CHRM2: variants seen among roughly 807,000 people sequenced by gnomAD.
The protein encoded by CHRM2 is muscarinic acetylcholine receptor M2.
Under a neutral mutation model 25.0 loss-of-function variants are expected in CHRM2, and 8 were observed. The observed-to-expected ratio is 0.32, with a 90% confidence interval of 0.19 to 0.58. The LOEUF (loss-of-function observed/expected upper bound fraction) is 0.58, where lower values mean the gene tolerates loss of function less well. Among genes scored for constraint, CHRM2 ranks in the 20% least tolerant of loss-of-function variants. CHRM2 has a pLI of 0.88. For synonymous variants in CHRM2, 202 were observed against 205.7 expected (o/e 0.98, Z 0.15); for missense variants, 440 against 567.1 (o/e 0.78, Z 2.28).
intron 2 of CHRM2, among the ~76,000 whole-genome samples, chr7:136,901,611 AT>A (rs143194335): frequency 2.0e-4 from 30 of 151,852 alleles, no homozygotes; most frequent in South Asian, 1.9e-3. Context: ...CCCTGATGTC[AT>A]TTTTTTCCCC....
intron 2 of CHRM2, among the ~76,000 whole-genome samples, chr7:136,976,661 G>C (rs1006798767): frequency 6.6e-6 from 1 of 152,096 alleles, no homozygotes; most frequent in African/African-American, 2.4e-5. Context: ...TCGTGCATCA[G>C]GTCTGAGCTT....
At chr7:136,932,849 G>A (rs1799185852) in intron 2 of CHRM2, among the ~76,000 whole-genome samples, 1 of 152,042 alleles carries the variant, frequency 6.6e-6, no homozygotes, top group Non-Finnish European at 1.5e-5. Context: ...GGCCAACATG[G>A]CGAAACCTGG....
chr7:136,935,762 C>T (rs182438532), intron 2 of CHRM2, among the ~76,000 whole-genome samples: 17 of 152,212 alleles, frequency 1.1e-4, no homozygotes, highest in Admixed American at 9.2e-4. Context: ...TGGAAGTGTT[C>T]CCATCCTCTG....
chr7:136,948,296 G>C (rs1164729796), intron 2 of CHRM2, among the ~76,000 whole-genome samples: 5 of 152,106 alleles, frequency 3.3e-5, no homozygotes, highest in Admixed American at 6.6e-5. Context: ...TGGTTGAGAT[G>C]TTGGAAGAAA....
chr7:136,882,734 A>C (rs1796313628), intron 2 of CHRM2, among the ~76,000 whole-genome samples: 1 of 152,016 alleles, frequency 6.6e-6, no homozygotes, highest in South Asian at 2.1e-4. Flanking sequence ...CCTGAGCAAA[A>C]TTTCCTCTAG....
At position 137,008,678 on chromosome 7, in the gene CHRM2, G is replaced by T. The variant is rs1804610046; in HGVS notation, c.-46-6142G>T. On this transcript the variant is annotated intron_variant, in intron 3 of 3. Transcript: ENST00000680005. ...AATCTGTAGGAAGCATGTATACTAA[G>T]ATTACATTTTTAAAACAAAAATTAA... Among the ~76,000 whole-genome samples the T allele has an allele frequency of 2.0e-5, 3 of 151,930 alleles. No homozygotes were observed. In the South Asian group the frequency reaches 6.2e-4, roughly 31 times the overall value.
chr7:136,961,659 G>A (rs186515728), intron 2 of CHRM2, among the ~76,000 whole-genome samples: 90 of 150,722 alleles, frequency 6.0e-4, no homozygotes, highest in African/African-American at 1.4e-3. Context: ...TTATATATGA[G>A]TTATATAGGT....
chr7:136,994,687 A>G (rs868369402), intron 3 of CHRM2, among the ~76,000 whole-genome samples: 24 of 151,190 alleles, frequency 1.6e-4, no homozygotes, highest in African/African-American at 5.8e-4. Context: ...CTTTATTCAA[A>G]TAATTGTCAT....
intron 2 of CHRM2, among the ~76,000 whole-genome samples, chr7:136,961,770 G>T (rs1801100279): frequency 6.6e-6 from 1 of 151,970 alleles, no homozygotes; most frequent in South Asian, 2.1e-4. Flanking sequence ...AAAAAAGGAA[G>T]GTGAGAGAAA....
intron 2 of CHRM2, among the ~76,000 whole-genome samples, chr7:136,964,184 A>G (rs1460117202): frequency 6.6e-6 from 1 of 152,142 alleles, no homozygotes; most frequent in African/African-American, 2.4e-5. Flanking sequence ...ATAATTTTCA[A>G]AAAAAATTAT....
intron 2 of CHRM2, among the ~76,000 whole-genome samples, chr7:136,878,218 A>C (rs1796122793): frequency 1.3e-5 from 2 of 152,004 alleles, no homozygotes; most frequent in African/African-American, 4.8e-5. Flanking sequence ...GATAAAGAGC[A>C]GCCCCAGGGC....
chr7:136,999,813 A>G (rs1563117436), intron 3 of CHRM2, among the ~76,000 whole-genome samples: 1 of 152,150 alleles, frequency 6.6e-6, no homozygotes, highest in Non-Finnish European at 1.5e-5. Context: ...CCAAGGTTCA[A>G]TTTCTGGAAA....
chr7:137,000,567 G>GGAAGGAAA (rs1563118292), intron 3 of CHRM2, among the ~76,000 whole-genome samples: 2 of 125,416 alleles, frequency 1.6e-5, no homozygotes, highest in Non-Finnish European at 3.7e-5. Flanking sequence ...AAGGAAGGAA[G>GGAAGGAAA]GAAGGAAGGA....
At chr7:136,882,118 T>C (rs1257798199) in intron 2 of CHRM2, among the ~76,000 whole-genome samples, 1 of 152,058 alleles carries the variant, frequency 6.6e-6, no homozygotes, top group Non-Finnish European at 1.5e-5. Context: ...CCTCTGCCTT[T>C]AGGAAACTGA....
At chr7:136,895,887 T>C (rs1446228167) in intron 2 of CHRM2, among the ~76,000 whole-genome samples, 1 of 152,206 alleles carries the variant, frequency 6.6e-6, no homozygotes, top group Non-Finnish European at 1.5e-5. Context: ...TCATCTCCTC[T>C]GCCTGGGAGC....
At position 137,015,947 on chromosome 7, in the gene CHRM2, T is replaced by C. The variant is rs1353641490; in HGVS notation, c.1082T>C (p.Val361Ala). Reference sequence around the variant, plus strand: ...AATGGAGATGAAAAGCAGAATATTGTAGCCCGCAAGATTGTGAAGATGACT... The same window carrying C: ...AATGGAGATGAAAAGCAGAATATTGCAGCCCGCAAGATTGTGAAGATGACT... ...GQNGDEKQNIVARKIVKMTKQ... is the reference protein window; with the variant it reads ...GQNGDEKQNIAARKIVKMTKQ... Residue 361 changes from valine to alanine, a missense_variant, in exon 4 of 4, where the codon GTA becomes GCA. This residue lies in a region of CHRM2 where 261 missense variants were observed against 261.8 expected (regional missense o/e 1.00). Transcript: ENST00000680005. This position sits in a 1 kb window ranked among gnomAD's most constrained non-coding sequence, Gnocchi z 5.1. 1.2e-6 allele frequency: 2 copies of C among 1,613,128 alleles called. No individual in the cohort carries two copies. Among genetic ancestry groups the C allele is most frequent in the East Asian group, 2.2e-5 (1 of 44,770 alleles).
chr7:136,872,837 A>G (rs983462517), intron 2 of CHRM2, among the ~76,000 whole-genome samples: 1 of 152,232 alleles, frequency 6.6e-6, no homozygotes, highest in African/African-American at 2.4e-5. Context: ...CTGTAGGTAT[A>G]TCAATAATCG....
intron 2 of CHRM2, among the ~76,000 whole-genome samples, chr7:136,917,160 CTT>C (rs11335309): frequency 6.3e-4 from 91 of 145,116 alleles, no homozygotes; most frequent in South Asian, 1.5e-3. Context: ...AGCTTTCTCA[CTT>C]TTTTTTTTTT....
chr7:136,924,972 A>G (rs549652567), intron 2 of CHRM2, among the ~76,000 whole-genome samples: 1 of 152,124 alleles, frequency 6.6e-6, no homozygotes, highest in Non-Finnish European at 1.5e-5. Flanking sequence ...TCATTTGTTG[A>G]CTCCTCCATT....
Sources: gnomAD v4.1 joint callset for allele counts (sites outside exome capture counted in the v4.1 genomes callset) on GRCh38, gnomAD v4.1.1 for gene constraint, gnomAD v4.1.1 regional missense constraint, Gnocchi (gnomAD v3.1) non-coding constraint, MANE v1.5 for transcripts, NCBI Gene and HGNC (gene_info 2026-07-23, HGNC 2026-07-21) for gene names.